CYP4X1: variants seen among roughly 807,000 people sequenced by gnomAD.
The protein encoded by CYP4X1 is cytochrome P450 4X1.
A neutral mutation model predicts 57.9 loss-of-function variants in CYP4X1; 44 were observed. The ratio of observed to expected loss-of-function variants is 0.76; its 90% CI spans 0.60 to 0.98. The LOEUF (loss-of-function observed/expected upper bound fraction) is 0.98. Among genes scored for constraint, CYP4X1 ranks in the 50% least tolerant of loss-of-function variants. The pLI is 0.00. For synonymous variants in CYP4X1, 227 were observed against 228.6 expected (o/e 0.99, Z 0.06); for missense variants, 532 against 623.9 (o/e 0.85, Z 1.57).
the CYP4X1 span, among the ~76,000 whole-genome samples, chr1:46,981,762 GA>G: frequency 1.3e-5 from 2 of 152,212 alleles, no homozygotes; most frequent in African/African-American, 4.8e-5. Context: ...ACTGGATTAA[GA>G]AAATGTGGCA....
upstream of CYP4X1, among the ~76,000 whole-genome samples, chr1:47,022,649 G>T (rs1283378017): frequency 6.6e-6 from 1 of 152,254 alleles, no homozygotes; most frequent in African/African-American, 2.4e-5. Context: ...AGAGTGGAGC[G>T]TAGGCTTAAG....
chr1:46,993,230 G>A, the CYP4X1 span, among the ~76,000 whole-genome samples: 1 of 151,842 alleles, frequency 6.6e-6, no homozygotes, highest in South Asian at 2.1e-4. Flanking sequence ...ATGGTTTCCA[G>A]CTTCATCCAT....
At chr1:46,965,137 C>T in the CYP4X1 span, among the ~76,000 whole-genome samples, 4 of 152,334 alleles carry the variant, frequency 2.6e-5, no homozygotes, top group African/African-American at 9.6e-5. Flanking sequence ...TGCCATCTGT[C>T]ACCCCTTTCC....
At chr1:46,964,587 TC>T in the CYP4X1 span, among the ~76,000 whole-genome samples, 1 of 152,182 alleles carries the variant, frequency 6.6e-6, no homozygotes, top group Non-Finnish European at 1.5e-5. Context: ...TGCTGCCTGA[TC>T]ATTCCTCTGG....
the CYP4X1 span, among the ~76,000 whole-genome samples, chr1:46,971,753 A>AT: frequency 2.0e-5 from 3 of 151,932 alleles, no homozygotes; most frequent in African/African-American, 7.3e-5. Context: ...TCCTTTGCTG[A>AT]TTTTTTAATG....
chr1:47,023,837 A>G lies in CYP4X1; in HGVS notation c.20A>G (p.Glu7Gly), dbSNP rs1216498834. Residue 7 changes from glutamate (E) to glycine (G), a missense_variant, in exon 1 of 12, where the codon GAG becomes GGG. By Grantham distance (98) the Glu-to-Gly change is moderately conservative. Transcript: ENST00000371901. MEFSWL[E>G]TRWARPFYLA... ...AGAGCCATGGAATTCTCCTGGCTGG[A>G]GACGCGCTGGGCGCGGCCCTTTTAC... 6.2e-7 allele frequency: 1 copy of G among 1,613,240 alleles called. No individual in the cohort carries two copies.
chr1:47,035,579 C>T (rs528884783), intron 4 of CYP4X1, among the ~76,000 whole-genome samples: 77 of 152,294 alleles, frequency 5.1e-4, no homozygotes, highest in Admixed American at 2.2e-3. Context: ...CAGCCATTTA[C>T]CATATATGCA....
downstream of CYP4X1, among the ~76,000 whole-genome samples, chr1:47,050,946 C>T (rs930030400): frequency 6.6e-6 from 1 of 152,140 alleles, no homozygotes; most frequent in African/African-American, 2.4e-5. Flanking sequence ...ACTGAATGGG[C>T]AGCCTACAGA....
the CYP4X1 span, among the ~76,000 whole-genome samples, chr1:46,978,680 C>T: frequency 6.6e-6 from 1 of 151,488 alleles, no homozygotes; most frequent in Non-Finnish European, 1.5e-5. Flanking sequence ...ACATTCTTCT[C>T]AGGACCACAT....
intron 1 of CYP4X1, 91 bp downstream of exon 1, chr1:47,024,085 T>A: frequency 6.8e-7 from 1 of 1,465,976 alleles, no homozygotes; most frequent in Non-Finnish European, 9.2e-7. Flanking sequence ...GCAGCTTTCT[T>A]CCATCCCTGG....
the CYP4X1 span, among the ~76,000 whole-genome samples, chr1:46,964,036 C>T: frequency 0.59 from 88,236 of 148,404 alleles, 27,186 homozygotes; most frequent in Non-Finnish European, 0.7. Context: ...TTGATTGAAT[C>T]GGCTACTGAG....
the CYP4X1 span, among the ~76,000 whole-genome samples, chr1:47,015,136 T>C: frequency 1.3e-5 from 2 of 152,166 alleles, no homozygotes; most frequent in Non-Finnish European, 2.9e-5. Flanking sequence ...CTCCACCAGA[T>C]TGTGTGTTGG....
the CYP4X1 span, among the ~76,000 whole-genome samples, chr1:46,977,563 T>C: frequency 6.6e-6 from 1 of 152,056 alleles, no homozygotes; most frequent in Non-Finnish European, 1.5e-5. Context: ...CAGGATATTA[T>C]GTAGGAGAAC....
chr1:46,985,600 A>G, the CYP4X1 span, among the ~76,000 whole-genome samples: 1 of 152,300 alleles, frequency 6.6e-6, no homozygotes, highest in South Asian at 2.1e-4. Flanking sequence ...GCTGACAGAC[A>G]CTTCATACAG....
At chr1:47,006,617 C>T in the CYP4X1 span, among the ~76,000 whole-genome samples, 1 of 152,012 alleles carries the variant, frequency 6.6e-6, no homozygotes, top group Admixed American at 6.6e-5. Context: ...TGAGCATGAG[C>T]CAAAGCAGGG....
chr1:47,017,035 A>AT, the CYP4X1 span, among the ~76,000 whole-genome samples: 1 of 152,178 alleles, frequency 6.6e-6, no homozygotes, highest in African/African-American at 2.4e-5. Flanking sequence ...ACAGGATCTC[A>AT]TTCTTTTTTA....
chr1:47,053,252 C>A (rs1460777930), downstream of CYP4X1, among the ~76,000 whole-genome samples: 4 of 151,982 alleles, frequency 2.6e-5, no homozygotes, highest in African/African-American at 4.8e-5. Context: ...TGAACTCATC[C>A]TTTTTTATGG....
At chr1:47,003,590 T>C in the CYP4X1 span, among the ~76,000 whole-genome samples, 3 of 152,170 alleles carry the variant, frequency 2.0e-5, no homozygotes, top group Non-Finnish European at 4.4e-5. Flanking sequence ...AGGGGGTTTT[T>C]ACTCATGTCA....
chr1:47,029,717 A>G (rs567129085), intron 1 of CYP4X1, among the ~76,000 whole-genome samples: 4 of 152,284 alleles, frequency 2.6e-5, no homozygotes, highest in African/African-American at 4.8e-5. Flanking sequence ...CTCACCCTCT[A>G]TTGGGACAAG....
Sources: allele counts gnomAD v4.1 joint callset (sites outside exome capture counted in the v4.1 genomes callset), GRCh38; gene constraint gnomAD v4.1.1; transcripts MANE v1.5; gene names NCBI Gene and HGNC (gene_info 2026-07-23, HGNC 2026-07-21).